The following NEDD4 variants were observed in gnomAD, a reference collection of about 807,000 sequenced individuals.
NEDD4 encodes NEDD4 E3 ubiquitin protein ligase, also known as E3 ubiquitin-protein ligase NEDD4.
NEDD4 carries 99 observed loss-of-function variants against 144.9 expected under a neutral mutation model. The observed-to-expected ratio is 0.68, with a 90% CI of 0.58 to 0.81. NEDD4 has a LOEUF of 0.81. NEDD4 is among the 30% of genes least tolerant of loss of function. NEDD4 has a pLI of 0.00. For missense variants in NEDD4, 985 were observed against 1,065.9 expected (o/e 0.92, Z 1.06); for synonymous variants, 318 against 350.6 (o/e 0.91, Z 1.04).
intron 2 of NEDD4, among the ~76,000 whole-genome samples, chr15:55,960,067 G>T (rs991885695): frequency 6.6e-6 from 1 of 151,986 alleles, no homozygotes; most frequent in African/African-American, 2.4e-5. Flanking sequence ...CTGCCTCCTG[G>T]TAACCATCTC....
intron 1 of NEDD4, among the ~76,000 whole-genome samples, chr15:55,968,859 G>A (rs2037560626): frequency 6.6e-6 from 1 of 152,188 alleles, no homozygotes; most frequent in Non-Finnish European, 1.5e-5. Flanking sequence ...AACAAATATG[G>A]AGGAGGAGGC....
chr15:55,945,700 C>T (rs1437496391), intron 4 of NEDD4, among the ~76,000 whole-genome samples: 1 of 151,866 alleles, frequency 6.6e-6, no homozygotes, highest in East Asian at 1.9e-4. Flanking sequence ...CCCCAAGACA[C>T]ATAATTGTCA....
intron 1 of NEDD4, among the ~76,000 whole-genome samples, chr15:55,983,522 A>G (rs1215983577): frequency 6.6e-6 from 1 of 150,918 alleles, no homozygotes; most frequent in Non-Finnish European, 1.5e-5. Context: ...CCCACTCTTC[A>G]CCTGCTAACT....
intron 14 of NEDD4, among the ~76,000 whole-genome samples, chr15:55,849,856 G>A (rs1014877920): frequency 2.7e-5 from 4 of 150,360 alleles, no homozygotes; most frequent in South Asian, 2.1e-4. Context: ...GCAGTGGTGC[G>A]ATCTTGGCTC....
At chr15:55,918,432 T>C (rs542463313) in intron 5 of NEDD4, among the ~76,000 whole-genome samples, 1 of 152,292 alleles carries the variant, frequency 6.6e-6, no homozygotes, top group East Asian at 1.9e-4. Flanking sequence ...GGAACTCCAG[T>C]AATAAATATA....
intron 2 of NEDD4, among the ~76,000 whole-genome samples, chr15:55,965,600 T>C (rs1165526321): frequency 6.6e-6 from 1 of 152,168 alleles, no homozygotes; most frequent in Non-Finnish European, 1.5e-5. Flanking sequence ...ATTCAGTAAA[T>C]CAACAATTGG....
At chr15:55,916,140 G>A (rs1423458075) in intron 5 of NEDD4, 1 of 1,613,846 alleles carries the variant, frequency 6.2e-7, no homozygotes, top group Admixed American at 1.7e-5. Flanking sequence ...ATCTGTACTT[G>A]TACTTCTTGA....
intron 5 of NEDD4, among the ~76,000 whole-genome samples, chr15:55,881,619 G>A (rs2035196101): frequency 6.6e-6 from 1 of 151,758 alleles, no homozygotes; most frequent in Non-Finnish European, 1.5e-5. Flanking sequence ...TTAGGTTTAG[G>A]CTTAATCAGA....
At chr15:55,919,364 G>A (rs1278226664) in intron 5 of NEDD4, among the ~76,000 whole-genome samples, 1 of 152,196 alleles carries the variant, frequency 6.6e-6, no homozygotes, top group Non-Finnish European at 1.5e-5. Flanking sequence ...AGGTGGACAA[G>A]AAAGAATGAC....
intron 18 of NEDD4, among the ~76,000 whole-genome samples, chr15:55,842,534 T>C (rs1175133432): frequency 1.3e-5 from 2 of 152,168 alleles, no homozygotes; most frequent in African/African-American, 2.4e-5. Flanking sequence ...CACAGGCGCA[T>C]GCCATCATGC....
intron 7 of NEDD4, 55 bp downstream of exon 7, chr15:55,872,360 G>C: frequency 1.4e-6 from 1 of 725,640 alleles, no homozygotes. Flanking sequence ...CTACTGTAAG[G>C]TGTAATGAAG....
chr15:55,888,085 A>T (rs1293418993), intron 5 of NEDD4, among the ~76,000 whole-genome samples: 1 of 152,176 alleles, frequency 6.6e-6, no homozygotes, highest in African/African-American at 2.4e-5. Context: ...CATGACAGGA[A>T]TGCCACTTTC....
chr15:55,909,899 G>A (rs1427019188), intron 5 of NEDD4, among the ~76,000 whole-genome samples: 2 of 152,176 alleles, frequency 1.3e-5, no homozygotes, highest in Non-Finnish European at 2.9e-5. Context: ...GTAGAGAGGG[G>A]ACTGAGAAAG....
At position 55,838,166 on chromosome 15, in the gene NEDD4, C is replaced by T. The variant is rs772325475; in HGVS notation, c.2142G>A (p.Glu714=). The T allele has an allele frequency of 2.5e-6, 4 of 1,596,920 alleles. No homozygotes were observed. Among genetic ancestry groups the T allele is most frequent in the African/African-American group, 1.3e-5 (1 of 74,616 alleles). Residue 714 remains glutamate (E), a synonymous_variant, in exon 23 of 29, where the codon GAG becomes GAA. Coordinates refer to ENST00000435532, the MANE Select transcript of NEDD4 (RefSeq NM_006154.4). ...CTATTTCTGATCCACCATTTTTCAG[C>T]TCATGTTGATGTGTCTAAAATTAAA... The part of the protein sequence containing the change: ...EELFGQTHQH[E]LKNGGSEIVV...
In NEDD4 at chr15:55,830,403, C is replaced by G. The variant is rs188817118; in HGVS notation, c.2600+111G>C. The G allele has an allele frequency of 1.0e-3, 959 of 963,724 alleles. 4 individuals carry two copies. The highest frequency in any genetic ancestry group is 3.8e-3 in the African/African-American group (234 of 61,798). 59.7% of individuals were successfully genotyped at this position (963,724 alleles called of 1,614,324 possible). A position where few individuals can be genotyped will look rare whatever the true frequency, so the allele number is the denominator to read the frequency against. ...CACCAACTCCTTCTTACCCATAATCCATACCTGCCACCGACATAACACAGA... is the reference window on the plus strand; with the variant it reads ...CACCAACTCCTTCTTACCCATAATCGATACCTGCCACCGACATAACACAGA... On this transcript the variant is annotated intron_variant, in intron 28 of 28. Coordinates refer to ENST00000435532, the MANE Select transcript of NEDD4 (RefSeq NM_006154.4).
chr15:55,988,462 C>A (rs752415511), intron 1 of NEDD4, among the ~76,000 whole-genome samples: 3 of 85,866 alleles, frequency 3.5e-5, no homozygotes, highest in African/African-American at 4.9e-5. Flanking sequence ...TACACTAAAA[C>A]TTAGAGTATA....
chr15:55,860,916 A>C (rs1236539849), intron 9 of NEDD4, 138 bp from the exon 10 acceptor site: 1 of 708,850 alleles, frequency 1.4e-6, no homozygotes, highest in African/African-American at 1.8e-5. Flanking sequence ...GGCTATTTCA[A>C]CATGCAAAGA....
chr15:55,914,083 T>C (rs2036356545), intron 5 of NEDD4, among the ~76,000 whole-genome samples: 1 of 151,862 alleles, frequency 6.6e-6, no homozygotes, highest in South Asian at 2.1e-4. Flanking sequence ...CTTAGTAAAG[T>C]AGTGGCTTAT....
At chr15:55,851,482 GT>G (rs762627706) in intron 13 of NEDD4, among the ~76,000 whole-genome samples, 3,113 of 144,714 alleles carry the variant, frequency 0.022, 110 homozygotes, top group African/African-American at 0.074. Context: ...TTTCTTTTCT[GT>G]TTTTTTTTTT....
Sources: gnomAD v4.1 joint callset for allele counts (sites outside exome capture counted in the v4.1 genomes callset) on GRCh38, gnomAD v4.1.1 for gene constraint, MANE v1.5 for transcripts, NCBI Gene and HGNC (gene_info 2026-07-23, HGNC 2026-07-21) for gene names.